Variants in RAPGEF6 observed in about 807,000 individuals in gnomAD.
The protein encoded by RAPGEF6 is PDZ domain containing guanine nucleotide exchange factor (GEF) 2.
In RAPGEF6, 56 loss-of-function variants were observed where a neutral mutation model predicts 171.4. The ratio of observed to expected loss-of-function variants is 0.33; its 90% CI spans 0.26 to 0.41. RAPGEF6 has a LOEUF of 0.41. Among genes scored for constraint, RAPGEF6 ranks in the 10% least tolerant of loss-of-function variants. The probability of loss-of-function intolerance (pLI) is 1.00; values close to 1 mark genes in which losing one functional copy is unlikely to be tolerated. For missense variants in RAPGEF6, 1,674 were observed against 1,921.4 expected (o/e 0.87, Z 2.41); for synonymous variants, 692 against 650.1 (o/e 1.06, Z -0.98).
At chr5:131,523,069 C>T (rs1561533683) in intron 6 of RAPGEF6, among the ~76,000 whole-genome samples, 1 of 152,016 alleles carries the variant, frequency 6.6e-6, no homozygotes, top group South Asian at 2.1e-4. Context: ...CCAATAAAAC[C>T]AGGCACATAT....
At chr5:131,510,620 G>A in intron 7 of RAPGEF6, 129 bp from the exon 8 acceptor site, 1 of 758,648 alleles carries the variant, frequency 1.3e-6, no homozygotes, top group East Asian at 2.8e-5. Context: ...GCTGCATCAA[G>A]AATACAATAA....
At chr5:131,432,649 A>G (rs894155391) in intron 25 of RAPGEF6, among the ~76,000 whole-genome samples, 10 of 152,114 alleles carry the variant, frequency 6.6e-5, no homozygotes, top group Non-Finnish European at 1.5e-4. Flanking sequence ...AAAAAAAAAA[A>G]AAAGTTTTAC....
At position 131,424,570 on chromosome 5, in the gene RAPGEF6, C is replaced by A. The variant is rs1184580068; in HGVS notation, c.*2696G>T. On this transcript the variant is annotated 3_prime_UTR_variant, in exon 28 of 28. Transcript: ENST00000509018. The stretch of plus-strand genomic sequence containing the variant: ...CCATGATTACCATCACATTTTCAGC[C>A]TGGGAGAGATTCTCAAGGAGGTGAT... 1 of 152,224 alleles carries A rather than the reference C, an allele frequency of 6.6e-6. No homozygotes were observed. Among genetic ancestry groups the A allele is most frequent in the East Asian group, 1.9e-4 (1 of 5,330 alleles). 9.4% of individuals were successfully genotyped at this position (152,224 alleles called of 1,614,324 possible).
At chr5:131,535,848 A>G (rs1409847053) in intron 6 of RAPGEF6, among the ~76,000 whole-genome samples, 1 of 152,172 alleles carries the variant, frequency 6.6e-6, no homozygotes, top group East Asian at 1.9e-4. Flanking sequence ...CTTTTATGTT[A>G]ATATGTGACA....
At chr5:131,434,891 G>A (rs542983915) in intron 24 of RAPGEF6, among the ~76,000 whole-genome samples, 21 of 152,294 alleles carry the variant, frequency 1.4e-4, no homozygotes, top group Non-Finnish European at 2.4e-4. Context: ...AACAAGGGAC[G>A]GGTCTCAAAG....
intron 23 of RAPGEF6, 74 bp from the exon 24 acceptor site, chr5:131,439,789 ATAAC>A (rs1407421263): frequency 9.0e-6 from 14 of 1,554,418 alleles, no homozygotes; most frequent in East Asian, 2.3e-5. Context: ...AAATCACTAC[ATAAC>A]TAACACTATG....
At chr5:131,563,871 T>C (rs936503835) in intron 4 of RAPGEF6, among the ~76,000 whole-genome samples, 1 of 152,162 alleles carries the variant, frequency 6.6e-6, no homozygotes, top group Admixed American at 6.5e-5. Flanking sequence ...TATCACCTAA[T>C]ACATTTAAAA....
In RAPGEF6 at chr5:131,424,425, C is replaced by T. The variant is rs983501820; in HGVS notation, c.*2841G>A. 1 of 152,302 alleles carries T rather than the reference C, an allele frequency of 6.6e-6. No individual in the cohort carries two copies. Among genetic ancestry groups the T allele is most frequent in the African/African-American group, 2.4e-5 (1 of 41,436 alleles). 9.4% of individuals were successfully genotyped at this position (152,302 alleles called of 1,614,324 possible). On this transcript the variant is annotated 3_prime_UTR_variant, in exon 28 of 28. Coordinates refer to ENST00000509018, the MANE Select transcript of RAPGEF6 (RefSeq NM_016340.6). ...AAGGAATACATATACTTTAATATCACCTTTTTTAGAAACTTAAAATTGAAT... is the reference window on the plus strand; with the variant it reads ...AAGGAATACATATACTTTAATATCATCTTTTTTAGAAACTTAAAATTGAAT...
chr5:131,631,848 G>A (rs914499328), intron 1 of RAPGEF6, among the ~76,000 whole-genome samples: 1 of 152,088 alleles, frequency 6.6e-6, no homozygotes, highest in African/African-American at 2.4e-5. Context: ...AGGCCAAGGC[G>A]GGCAGATCAC....
intron 22 of RAPGEF6, 42 bp downstream of exon 22, chr5:131,446,441 G>T: frequency 6.6e-7 from 1 of 1,520,278 alleles, no homozygotes; most frequent in Non-Finnish European, 8.9e-7. Context: ...TTTTTATTTT[G>T]TTGTGCTCTT....
intron 1 of RAPGEF6, among the ~76,000 whole-genome samples, chr5:131,605,001 TC>T (rs1283050325): frequency 6.6e-5 from 10 of 152,230 alleles, no homozygotes; most frequent in Admixed American, 3.3e-4. Context: ...ATGTAAACTT[TC>T]CTTCTTTAGT....
Position 131,472,638 on chromosome 5 carries a change from G to C in RAPGEF6, c.2188C>G (p.Pro730Ala). The C allele has an allele frequency of 6.2e-7, 1 of 1,614,070 alleles. No individual in the cohort carries two copies. Among genetic ancestry groups the C allele is most frequent in the South Asian group, 1.1e-5 (1 of 91,068 alleles). Residue 730 changes from proline (P) to alanine (A), a missense_variant, in exon 17 of 28, where the codon CCT (proline) becomes GCT (alanine). Transcript: ENST00000509018. ...PIPGTLSSSSPDLLQPTTSML... is the reference protein window; with the variant it reads ...PIPGTLSSSSADLLQPTTSML... ...CTGGTGGTAGGCTGCAGGAGATCAG[G>C]GCTGCTGGATGAGAGTGTTCCAGGG...
intron 7 of RAPGEF6, among the ~76,000 whole-genome samples, chr5:131,513,509 C>T (rs1002726359): frequency 2.0e-5 from 3 of 152,078 alleles, no homozygotes; most frequent in Admixed American, 6.5e-5. Flanking sequence ...TGGCTCACAA[C>T]ATAAAAAGGC....
intron 4 of RAPGEF6, among the ~76,000 whole-genome samples, chr5:131,586,274 T>C (rs1252131455): frequency 1.3e-5 from 2 of 152,214 alleles, no homozygotes; most frequent in Non-Finnish European, 2.9e-5. Context: ...TTATTCAGAA[T>C]ATATAAAAAA....
intron 3 of RAPGEF6, among the ~76,000 whole-genome samples, chr5:131,600,598 A>G (rs1764177375): frequency 7.4e-6 from 1 of 135,528 alleles, no homozygotes; most frequent in Non-Finnish European, 1.6e-5. Flanking sequence ...AGGGGAGGGG[A>G]AGGGAGGGGA....
chr5:131,528,313 T>TTATATATATATATATATATATATA (rs71590767), intron 6 of RAPGEF6, among the ~76,000 whole-genome samples: 1 of 48,846 alleles, frequency 2.0e-5, no homozygotes, highest in African/African-American at 7.2e-5. Flanking sequence ...TATATTTATA[T>TTATATATATATATATATATATATA]TATATATATA....
chr5:131,540,636 A>G (rs1760074129), intron 6 of RAPGEF6, among the ~76,000 whole-genome samples: 1 of 152,242 alleles, frequency 6.6e-6, no homozygotes, highest in African/African-American at 2.4e-5. Flanking sequence ...TAATTTCTTA[A>G]CTAAAGTATG....
At chr5:131,614,089 C>T (rs555529064) in intron 1 of RAPGEF6, among the ~76,000 whole-genome samples, 4 of 152,104 alleles carry the variant, frequency 2.6e-5, no homozygotes, top group African/African-American at 7.2e-5. Context: ...GGAGATCAGC[C>T]TGGTCAACAT....
At chr5:131,475,540 G>C (rs762936744) in intron 16 of RAPGEF6, among the ~76,000 whole-genome samples, 3 of 152,168 alleles carry the variant, frequency 2.0e-5, no homozygotes, top group African/African-American at 7.2e-5. Context: ...AAGCAAGGCA[G>C]TTTATTTCTG....
Sources: allele counts gnomAD v4.1 joint callset (sites outside exome capture counted in the v4.1 genomes callset), GRCh38; gene constraint gnomAD v4.1.1; transcripts MANE v1.5; gene names NCBI Gene and HGNC (gene_info 2026-07-23, HGNC 2026-07-21).